PPFIA2: variants seen among roughly 807,000 people sequenced by gnomAD.
PPFIA2 encodes liprin-alpha-2.
Under a neutral mutation model 175.5 loss-of-function variants are expected in PPFIA2, and 46 were observed. That is an observed-to-expected ratio of 0.26 (90% CI 0.21 to 0.34). The LOEUF is 0.34. Ranked by LOEUF, PPFIA2 falls within the 10% of genes least tolerant of loss-of-function variation. PPFIA2 has a pLI of 1.00. For missense variants in PPFIA2, 1,179 were observed against 1,506.1 expected, an observed-to-expected ratio of 0.78 and a Z score of 3.60; for synonymous variants, 568 against 511.4, an observed-to-expected ratio of 1.11 and a Z score of -1.49.
At chr12:81,508,447 G>A (rs1339874441) in intron 4 of PPFIA2, among the ~76,000 whole-genome samples, 4 of 146,432 alleles carry the variant, frequency 2.7e-5, no homozygotes, top group Non-Finnish European at 1.5e-5. Flanking sequence ...CTTGAACCCA[G>A]GAGGCGGAAG....
intron 3 of PPFIA2, among the ~76,000 whole-genome samples, chr12:81,678,935 A>C (rs1029856481): frequency 6.6e-6 from 1 of 151,874 alleles, no homozygotes; most frequent in African/African-American, 2.4e-5. Flanking sequence ...CATGCCCAAC[A>C]TAAAAAAAAT....
chr12:81,340,584 A>G (rs533589335), intron 20 of PPFIA2, among the ~76,000 whole-genome samples: 1 of 152,242 alleles, frequency 6.6e-6, no homozygotes, highest in Non-Finnish European at 1.5e-5. Context: ...ATTTTAGCCA[A>G]GGATTTTTTT....
intron 4 of PPFIA2, among the ~76,000 whole-genome samples, chr12:81,529,644 G>A (rs2064231441): frequency 6.6e-6 from 1 of 151,482 alleles, no homozygotes; most frequent in African/African-American, 2.4e-5. Context: ...GCCATTTTTT[G>A]TTCAATGTCA....
At chr12:81,356,149 C>T (rs941681877) in intron 16 of PPFIA2, among the ~76,000 whole-genome samples, 3 of 152,128 alleles carry the variant, frequency 2.0e-5, no homozygotes, top group African/African-American at 7.2e-5. Context: ...AATTGATCTA[C>T]TTTCAATATT....
intron 8 of PPFIA2, among the ~76,000 whole-genome samples, chr12:81,404,877 C>T (rs188367053): frequency 3.3e-5 from 5 of 152,286 alleles, no homozygotes; most frequent in Admixed American, 1.3e-4. Context: ...GCTTCTTAAT[C>T]GCTAGGTTTT....
At chr12:81,604,337 G>GT (rs987177811) in intron 4 of PPFIA2, among the ~76,000 whole-genome samples, 22 of 151,512 alleles carry the variant, frequency 1.5e-4, no homozygotes, top group African/African-American at 4.8e-5. Context: ...TTTACAAACA[G>GT]TTTTTTCAAG....
At chr12:81,443,083 G>T (rs2050533213) in intron 6 of PPFIA2, among the ~76,000 whole-genome samples, 1 of 150,934 alleles carries the variant, frequency 6.6e-6, no homozygotes, top group African/African-American at 2.4e-5. Flanking sequence ...TACTTGGTTT[G>T]AAAGTTTTAT....
intron 4 of PPFIA2, among the ~76,000 whole-genome samples, chr12:81,480,463 G>T (rs1382883614): frequency 6.6e-6 from 1 of 152,100 alleles, no homozygotes; most frequent in Non-Finnish European, 1.5e-5. Flanking sequence ...CTGGTAAGGA[G>T]CTGTGATCCT....
chr12:81,519,485 A>G (rs565206240), intron 4 of PPFIA2, among the ~76,000 whole-genome samples: 1 of 152,358 alleles, frequency 6.6e-6, no homozygotes, highest in South Asian at 2.1e-4. Context: ...TTATCTAATT[A>G]TAGAGAGACC....
chr12:81,654,738 G>A (rs1222145867), intron 4 of PPFIA2, among the ~76,000 whole-genome samples: 1 of 152,106 alleles, frequency 6.6e-6, no homozygotes, highest in Non-Finnish European at 1.5e-5. Context: ...GATGTTCCCA[G>A]ACTTCTGACT....
chr12:81,312,283 G>A (rs1288448673), intron 22 of PPFIA2: 2 of 1,024,600 alleles, frequency 2.0e-6, no homozygotes, highest in Non-Finnish European at 2.9e-6. Context: ...TAAGATGTGA[G>A]AAAGCTCAGG....
chr12:81,721,287 T>A (rs977375014), intron 3 of PPFIA2, among the ~76,000 whole-genome samples: 1 of 151,324 alleles, frequency 6.6e-6, no homozygotes, highest in South Asian at 2.1e-4. Context: ...GGTTCTACTC[T>A]CTAGGACTAT....
chr12:81,666,413 A>G (rs1246211858), intron 4 of PPFIA2, among the ~76,000 whole-genome samples: 2 of 152,230 alleles, frequency 1.3e-5, no homozygotes, highest in African/African-American at 2.4e-5. Flanking sequence ...CATATACACC[A>G]TGGAATATTA....
intron 7 of PPFIA2, among the ~76,000 whole-genome samples, chr12:81,422,014 A>G (rs1034875279): frequency 1.3e-5 from 2 of 151,230 alleles, no homozygotes; most frequent in Admixed American, 6.6e-5. Flanking sequence ...CTGTCTCTAG[A>G]GGCAAGAAGG....
intron 22 of PPFIA2, among the ~76,000 whole-genome samples, chr12:81,308,756 T>C (rs2049984043): frequency 1.3e-5 from 2 of 152,354 alleles, no homozygotes; most frequent in Non-Finnish European, 1.5e-5. Flanking sequence ...GTGGCTTTTC[T>C]TTTCTTGTTA....
chr12:81,639,504 T>C (rs1244153114), intron 4 of PPFIA2, among the ~76,000 whole-genome samples: 1 of 151,830 alleles, frequency 6.6e-6, no homozygotes, highest in African/African-American at 2.4e-5. Flanking sequence ...ACATTCTTTT[T>C]AACCACAATT....
intron 4 of PPFIA2, among the ~76,000 whole-genome samples, chr12:81,612,836 C>T (rs554400070): frequency 2.6e-5 from 4 of 152,226 alleles, no homozygotes; most frequent in South Asian, 2.1e-4. Context: ...CATAAATACA[C>T]GTGCACAAAC....
Position 81,325,802 on chromosome 12 carries a change from C to A in PPFIA2, c.2617G>T (p.Glu873Ter). ...LGLGKLGTQA[E>*]KDRRLKKKHE... ...TTTTTCTTTAGTCTTCGATCCTTCT[C>A]AGCTTGAGTTCCGAGTTTGCCTAAC... The change falls in exon 22 of 33, where the codon GAG (glutamate) becomes TAG (stop). Residue 873 changes from glutamate (E) to a stop codon, truncating the protein, a stop_gained. Transcript: ENST00000549396. LOFTEE classifies it high-confidence loss of function. 1 of 1,612,638 alleles carries A rather than the reference C, an allele frequency of 6.2e-7. No homozygotes were observed. The highest frequency in any genetic ancestry group is 1.1e-5 in the South Asian group (1 of 91,038).
intron 30 of PPFIA2, 140 bp from the exon 31 acceptor site, chr12:81,263,530 G>A: frequency 1.6e-6 from 1 of 636,294 alleles, no homozygotes; most frequent in Non-Finnish European, 2.5e-6. Flanking sequence ...GCTTTATCAA[G>A]ATAGTTAGTT....
Sources: allele counts gnomAD v4.1 joint callset (sites outside exome capture counted in the v4.1 genomes callset), GRCh38; gene constraint gnomAD v4.1.1; transcripts MANE v1.5; gene names NCBI Gene and HGNC (gene_info 2026-07-23, HGNC 2026-07-21).